LILRA5: variants seen among roughly 807,000 people sequenced by gnomAD.
LILRA5 encodes leukocyte immunoglobulin-like receptor subfamily A member 5.
In LILRA5, 31 loss-of-function variants were observed where a neutral mutation model predicts 36.3. The observed-to-expected ratio is 0.85, with a 90% CI of 0.64 to 1.15. The LOEUF (loss-of-function observed/expected upper bound fraction) is 1.15, where lower values mean the gene tolerates loss of function less well. LILRA5 is among the 50% of genes most tolerant of loss of function. LILRA5 has a pLI of 0.00. For synonymous variants in LILRA5, 144 were observed against 144.8 expected (o/e 0.99, Z 0.04); for missense variants, 348 against 377.4 (o/e 0.92, Z 0.64).
chr19:54,311,655 G>A lies in LILRA5; in HGVS notation c.471C>T (p.Asn157=), dbSNP rs778239036. 8 of 1,614,180 alleles carry A rather than the reference G, an allele frequency of 5.0e-6. No homozygotes were observed. Among genetic ancestry groups the A allele is most frequent in the South Asian group, 3.3e-5 (3 of 91,088 alleles). ...GCCGTGAGCCACACTGGAGGGTCAC[G>A]TTCTCTCCTGAGGTCACCACAGGAC... ...LPSPVVTSGE[N]VTLQCGSRLR... Residue 157 remains asparagine, a synonymous_variant, in exon 5 of 7, where the codon AAC becomes AAT. Transcript: ENST00000432233.
intron 5 of LILRA5, chr19:54,309,368 G>A (rs1478260855): frequency 6.6e-6 from 1 of 152,202 alleles, no homozygotes; most frequent in Non-Finnish European, 1.5e-5. Flanking sequence ...GGGAGGCTGA[G>A]GCAGGACAAT....
Position 54,312,116 on chromosome 19 carries a change from G to A in LILRA5, c.157C>T (p.Pro53Ser), listed in dbSNP as rs777985697. Residue 53 changes from proline (P) to serine (S), a missense_variant, in exon 4 of 7, where the codon CCA (proline) becomes TCA (serine). Physicochemically the swap from Pro to Ser is moderately conservative, Grantham distance 74 (BLOSUM62 -1). Transcript: ENST00000432233. ...NLSKATLWAE[P>S]GSVISRGNSV... ...TTCCCCCGGCTGATCACAGAGCCTG[G>A]CTCAGCCCAGAGGGTGGCTTTGGAG... 1.2e-6 allele frequency: 2 copies of A among 1,614,094 alleles called. No homozygotes were observed. Among genetic ancestry groups the A allele is most frequent in the Middle Eastern group, 1.6e-4 (1 of 6,062 alleles).
At chr19:54,310,890 G>A (rs534221723) in intron 5 of LILRA5, 22 of 245,998 alleles carry the variant, frequency 8.9e-5, no homozygotes, top group African/African-American at 1.6e-4. Context: ...TAAAGGAGCC[G>A]GGACTGCAGG....
At chr19:54,308,354 A>ATAT (rs2080930204) in intron 5 of LILRA5, 9 of 18,502 alleles carry the variant, frequency 4.9e-4, no homozygotes, top group Non-Finnish European at 7.5e-4. Flanking sequence ...TGTATATATA[A>ATAT]ATATATATAT....
chr19:54,312,941 C>G (rs113954219), intron 1 of LILRA5, 76 bp downstream of exon 1: 4 of 1,595,156 alleles, frequency 2.5e-6, no homozygotes, highest in African/African-American at 1.3e-5. Flanking sequence ...GTGACCTCCT[C>G]CCTCTCAGAG....
At chr19:54,308,364 T>C (rs1375878201) in intron 5 of LILRA5, 2 of 14,832 alleles carry the variant, frequency 1.3e-4, no homozygotes, top group Non-Finnish European at 2.5e-4. Flanking sequence ...AATATATATA[T>C]ATATATATAT....
intron 5 of LILRA5, chr19:54,308,819 AC>A (rs2080952960): frequency 6.6e-6 from 1 of 152,166 alleles, no homozygotes; most frequent in Non-Finnish European, 1.5e-5. Context: ...CATGTCAAAT[AC>A]ATTAAGCATG....
Position 54,312,357 on chromosome 19 carries a change from G to T in LILRA5, c.102C>A (p.Gly34=). 1 of 1,614,198 alleles carries T rather than the reference G, an allele frequency of 6.2e-7. No individual in the cohort carries two copies. The highest frequency in any genetic ancestry group is 1.7e-5 in the Admixed American group (1 of 60,026). The change falls in exon 3 of 7, where the codon GGC becomes GGA. Residue 34 remains glycine (G), a synonymous_variant. Transcript: ENST00000432233. ...MVLLCLGLSL[G]PRTHVQAGNL... is the part of the protein sequence containing the mutation. ...CACCTGCCTGCACGTGGGTCCTGGG[G>T]CCCAGACTCAGCCCTGGAAGAGAGT...
intron 5 of LILRA5, chr19:54,309,691 T>A (rs945354047): frequency 1.3e-5 from 2 of 152,164 alleles, no homozygotes; most frequent in Non-Finnish European, 2.9e-5. Flanking sequence ...AAATATTGAA[T>A]TATGCCCCCA....
At chr19:54,310,059 C>T (rs776318624) in intron 5 of LILRA5, 4 of 303,582 alleles carry the variant, frequency 1.3e-5, no homozygotes, top group South Asian at 2.6e-5. Context: ...CAGATCCCAC[C>T]GAGGCCTGAG....
chr19:54,310,139 G>A lies in LILRA5; in HGVS notation c.712+1275C>T. ...GTGGGTGAGGGGCTCCATCCTCAGG[G>A]GCTCTTGGAAATGAGAAGTGAGAGC... On this transcript the variant is annotated intron_variant, in intron 5 of 6. Coordinates refer to ENST00000432233, the MANE Select transcript of LILRA5 (RefSeq NM_021250.4). 2.4e-5 allele frequency: 4 copies of A among 166,542 alleles called. No individual in the cohort carries two copies. In the South Asian group the frequency reaches 3.3e-4, roughly 14 times the overall value. The allele number at this position is 166,542 out of a possible 1,614,324, so 10.3% of individuals were successfully genotyped here.
At position 54,307,529 on chromosome 19, in the gene LILRA5, C is replaced by A. The variant is rs149647882; in HGVS notation, c.784G>T (p.Ala262Ser). The change falls in exon 7 of 7, where the codon GCA (alanine) becomes TCA (serine). Residue 262 changes from alanine to serine, a missense_variant. Transcript: ENST00000432233. Reference sequence around the variant, plus strand: ...CCCATGCGGATGAGATTCTCTACTGCGTAATCCTGAAGGTGTGAGGCTGGG... The same window carrying A: ...CCCATGCGGATGAGATTCTCTACTGAGTAATCCTGAAGGTGTGAGGCTGGG... The part of the protein sequence containing the change: ...SGTASHLQDY[A>S]VENLIRMGMA... The A allele has an allele frequency of 6.2e-7, 1 of 1,613,928 alleles. No homozygotes were observed.
At position 54,312,638 on chromosome 19, in the gene LILRA5, A is replaced by T; in HGVS notation, c.4-17T>A. 1 of 1,613,072 alleles carries T rather than the reference A, an allele frequency of 6.2e-7. No individual in the cohort carries two copies. Among genetic ancestry groups the T allele is most frequent in the African/African-American group, 1.3e-5 (1 of 75,036 alleles). ...CCATGGTGCCTGGCAGGACAGAGAG[A>T]CACACAGGGTGTGGCAGCTCGGAGG... On this transcript the variant is annotated splice_polypyrimidine_tract_variant and intron_variant, in intron 1 of 6. Transcript: ENST00000432233.
In LILRA5 at chr19:54,312,293, C is replaced by T. The variant is rs1298965100; in HGVS notation, c.124+42G>A. ...CTGCCCATGGGTGGCCCTTTGTCCC[C>T]ATTGAGGAGGAGGGACCTGGGACAG... On this transcript the variant is annotated intron_variant, in intron 3 of 6. Coordinates refer to ENST00000432233, the MANE Select transcript of LILRA5 (RefSeq NM_021250.4). 3 of 1,614,066 alleles carry T rather than the reference C, an allele frequency of 1.9e-6. No individual in the cohort carries two copies. In the Admixed American group the frequency reaches 5.0e-5, roughly 27 times the overall value.
chr19:54,309,080 G>A (rs2080957466), intron 5 of LILRA5: 1 of 152,062 alleles, frequency 6.6e-6, no homozygotes. Context: ...AAAGATAATT[G>A]AAAGGGAAAA....
At chr19:54,311,830 A>C in intron 4 of LILRA5, 34 bp downstream of exon 4, 3 of 1,614,024 alleles carry the variant, frequency 1.9e-6, no homozygotes, top group Non-Finnish European at 2.5e-6. Context: ...CTGAGGGCAG[A>C]GCCTGGAGCT....
chr19:54,311,798 C>A (rs887701967), intron 4 of LILRA5, 66 bp downstream of exon 4: 10 of 1,612,276 alleles, frequency 6.2e-6, no homozygotes, highest in Middle Eastern at 1.7e-4. Context: ...AAGGGAGACA[C>A]CCCTGAGAGC....
chr19:54,309,796 A>G, intron 5 of LILRA5: 1 of 152,770 alleles, frequency 6.5e-6, no homozygotes, highest in East Asian at 1.9e-4. Context: ...TAAAAGATTC[A>G]GAAGAAGAGA....
At chr19:54,312,307 G>A (rs2081039197) in intron 3 of LILRA5, 28 bp downstream of exon 3, 2 of 1,614,208 alleles carry the variant, frequency 1.2e-6, no homozygotes. Context: ...GAGGAGGAGG[G>A]ACCTGGGACA....
Sources: allele counts gnomAD v4.1 joint callset, GRCh38; gene constraint gnomAD v4.1.1; transcripts MANE v1.5; gene names NCBI Gene and HGNC (gene_info 2026-07-23, HGNC 2026-07-21).